The following PALM2AKAP2 variants were observed in gnomAD, a reference collection of about 807,000 sequenced individuals.
PALM2AKAP2 encodes PALM2-AKAP2 fusion protein.
Under a neutral mutation model 71.5 loss-of-function variants are expected in PALM2AKAP2, and 37 were observed. The ratio of observed to expected loss-of-function variants is 0.52; its 90% CI spans 0.40 to 0.68. The LOEUF (loss-of-function observed/expected upper bound fraction) is 0.68, where lower values mean the gene tolerates loss of function less well. Ranked by LOEUF, PALM2AKAP2 falls within the 30% of genes least tolerant of loss-of-function variation. The probability of loss-of-function intolerance (pLI) is 0.00; values close to 1 mark genes in which losing one functional copy is unlikely to be tolerated. For missense variants in PALM2AKAP2, 1,224 were observed against 1,191.8 expected, an observed-to-expected ratio of 1.03 and a Z score of -0.40; for synonymous variants, 468 against 478.8, an observed-to-expected ratio of 0.98 and a Z score of 0.29.
chr9:110,038,892 G>A (rs1185033751), intron 7 of PALM2AKAP2, among the ~76,000 whole-genome samples: 2 of 66,562 alleles, frequency 3.0e-5, no homozygotes, highest in African/African-American at 1.9e-4. Context: ...AGTGAGCCGC[G>A]ATTGTGCCAC....
chr9:110,048,915 GGCCGAGGAAGGGGTT>G (rs945997471), intron 1 of PALM2AKAP2: 306 of 1,427,804 alleles, frequency 2.1e-4, no homozygotes, highest in South Asian at 1.7e-3. Context: ...AGGAAGGGGT[GGCCGAGGAAGGGGTT>G]GCCGAGGAAG....
intron 1 of PALM2AKAP2, among the ~76,000 whole-genome samples, chr9:109,694,761 C>A (rs898097552): frequency 2.0e-5 from 3 of 152,006 alleles, no homozygotes; most frequent in African/African-American, 7.2e-5. Context: ...GTAACTGGCC[C>A]TCCATGTGTT....
intron 1 of PALM2AKAP2, among the ~76,000 whole-genome samples, chr9:109,832,692 C>T (rs1564169816): frequency 1.3e-5 from 2 of 152,192 alleles, no homozygotes; most frequent in South Asian, 4.1e-4. Context: ...CAGAAAACTT[C>T]TCAGCCATAG....
chr9:109,657,816 G>A (rs916330542), intron 1 of PALM2AKAP2, among the ~76,000 whole-genome samples: 1 of 152,066 alleles, frequency 6.6e-6, no homozygotes, highest in Non-Finnish European at 1.5e-5. Flanking sequence ...TTGGGTCTCA[G>A]GATGTCAGGC....
intron 3 of PALM2AKAP2, among the ~76,000 whole-genome samples, chr9:109,907,141 A>G (rs13293054): frequency 0.31 from 47,258 of 151,854 alleles, 8,185 homozygotes; most frequent in East Asian, 0.68. Flanking sequence ...CTGCCTCCCC[A>G]CAAGCAGAGT....
At chr9:110,035,780 CAT>C (rs1425948102) in intron 7 of PALM2AKAP2, among the ~76,000 whole-genome samples, 3 of 108,930 alleles carry the variant, frequency 2.8e-5, no homozygotes, top group South Asian at 2.9e-4. Context: ...TTATATGTAA[CAT>C]ATATAGGATA....
chr9:110,098,130 C>T (rs1237457256), intron 1 of PALM2AKAP2, among the ~76,000 whole-genome samples: 3 of 123,456 alleles, frequency 2.4e-5, no homozygotes, highest in South Asian at 2.5e-4. Context: ...AGCTTCGGCT[C>T]GGCATCAGAG....
chr9:109,691,909 CACATATATATATAT>C (rs1489210787), intron 1 of PALM2AKAP2, among the ~76,000 whole-genome samples: 9 of 89,078 alleles, frequency 1.0e-4, no homozygotes, highest in African/African-American at 3.5e-4. Flanking sequence ...TATACACACA[CACATATATATATAT>C]ACACATATAT....
chr9:109,640,985 C>T (rs1022334173), intron 1 of PALM2AKAP2: 1 of 1,341,788 alleles, frequency 7.5e-7, no homozygotes, highest in Non-Finnish European at 9.7e-7. Context: ...AATTTCAGCC[C>T]CGTGTGTACG....
chr9:109,942,773 G>C (rs773252599), intron 6 of PALM2AKAP2: 1 of 1,614,116 alleles, frequency 6.2e-7, no homozygotes, highest in Non-Finnish European at 8.5e-7. Flanking sequence ...GGCCCAGAGG[G>C]GGTCCATCAG....
Position 109,919,808 on chromosome 9 carries a change from A to G in PALM2AKAP2, c.258-3927A>G, listed in dbSNP as rs541496638. Among the ~76,000 whole-genome samples the G allele has an allele frequency of 5.9e-5, 9 of 151,860 alleles. No individual in the cohort carries two copies. In the South Asian group the frequency reaches 1.5e-3, roughly 25 times the overall value. On this transcript the variant is annotated intron_variant, in intron 3 of 9. Transcript: ENST00000302798. ...TACACACTTCTATTTGACCTGTACC[A>G]GTTCATTATTACCACAATAATGCTA... is the stretch of plus-strand genomic sequence containing the variant.
exon 2 of PALM2AKAP2, chr9:110,136,215 C>G (rs752293957): frequency 1.9e-6 from 3 of 1,614,156 alleles, no homozygotes; most frequent in Non-Finnish European, 2.5e-6. Flanking sequence ...GCTGCCAGCT[C>G]TCTTTCCCCA....
chr9:110,058,848 C>G (rs1260303995), intron 1 of PALM2AKAP2, among the ~76,000 whole-genome samples: 1 of 150,340 alleles, frequency 6.7e-6, no homozygotes, highest in Non-Finnish European at 1.5e-5. Context: ...TGTATCAATA[C>G]TGGGAAGTAA....
intron 7 of PALM2AKAP2, among the ~76,000 whole-genome samples, chr9:110,042,525 C>T (rs1490525683): frequency 5.3e-5 from 8 of 152,284 alleles, no homozygotes; most frequent in Non-Finnish European, 1.0e-4. Context: ...TTTGGAAATC[C>T]GTAAACATAC....
At chr9:109,670,659 G>A (rs1359915580) in intron 1 of PALM2AKAP2, among the ~76,000 whole-genome samples, 1 of 152,092 alleles carries the variant, frequency 6.6e-6, no homozygotes, top group Admixed American at 6.6e-5. Flanking sequence ...TGGGTCAAAT[G>A]GTGTTTCTGT....
intron 4 of PALM2AKAP2, among the ~76,000 whole-genome samples, chr9:109,924,743 T>TA (rs1345842581): frequency 6.6e-6 from 1 of 152,224 alleles, no homozygotes; most frequent in Non-Finnish European, 1.5e-5. Context: ...CTGCTGTACC[T>TA]ATGAGTGACA....
chr9:109,915,732 T>C (rs886717323), intron 3 of PALM2AKAP2, among the ~76,000 whole-genome samples: 2 of 152,148 alleles, frequency 1.3e-5, no homozygotes, highest in Non-Finnish European at 2.9e-5. Flanking sequence ...ATTATTATTG[T>C]TACATATATT....
At chr9:110,084,097 T>A (rs1234757213) in intron 1 of PALM2AKAP2, among the ~76,000 whole-genome samples, 2 of 152,226 alleles carry the variant, frequency 1.3e-5, no homozygotes, top group Non-Finnish European at 2.9e-5. Flanking sequence ...ATGTGAGGCA[T>A]CTTGGTGTCA....
intron 7 of PALM2AKAP2, among the ~76,000 whole-genome samples, chr9:110,033,504 A>G (rs1272880118): frequency 1.3e-5 from 2 of 152,140 alleles, no homozygotes; most frequent in East Asian, 1.9e-4. Flanking sequence ...AACACTCAAA[A>G]TGACACCATG....
Sources: allele counts gnomAD v4.1 joint callset (sites outside exome capture counted in the v4.1 genomes callset), GRCh38; gene constraint gnomAD v4.1.1; transcripts MANE v1.5; gene names NCBI Gene and HGNC (gene_info 2026-07-23, HGNC 2026-07-21).